Variants in HEMK2 observed in about 807,000 individuals in gnomAD.
HEMK2 encodes the protein HemK methyltransferase 2, ETF1 glutamine and histone H4 lysine.
the HEMK2 span, among the ~76,000 whole-genome samples, chr21:28,722,815 C>T: frequency 1.3e-5 from 2 of 152,130 alleles, no homozygotes; most frequent in African/African-American, 2.4e-5. Context: ...ACCCAGAAGG[C>T]GGAGGTTGTG....
chr21:28,850,121 C>A, the HEMK2 span, among the ~76,000 whole-genome samples: 5 of 151,372 alleles, frequency 3.3e-5, no homozygotes, highest in African/African-American at 1.2e-4. Flanking sequence ...AGAGAAGGGG[C>A]AGGTCACCTA....
the HEMK2 span, among the ~76,000 whole-genome samples, chr21:28,742,519 C>T: frequency 0.23 from 34,775 of 151,988 alleles, 4,622 homozygotes; most frequent in African/African-American, 0.35. Flanking sequence ...AATAATGATG[C>T]ACTTATCCAA....
At chr21:28,773,480 G>T in the HEMK2 span, among the ~76,000 whole-genome samples, 1 of 152,104 alleles carries the variant, frequency 6.6e-6, no homozygotes, top group Non-Finnish European at 1.5e-5. Flanking sequence ...ATTAATAGAA[G>T]ATTCTCTCTT....
the HEMK2 span, among the ~76,000 whole-genome samples, chr21:28,807,517 C>A: frequency 5.0e-4 from 76 of 152,302 alleles, no homozygotes; most frequent in African/African-American, 1.8e-3. Context: ...CTCAGTTCAT[C>A]CTACAAAGAA....
chr21:28,868,840 T>C, the HEMK2 span, among the ~76,000 whole-genome samples: 446 of 152,344 alleles, frequency 2.9e-3, 1 homozygote, highest in African/African-American at 0.01. Flanking sequence ...TTTCTGAATA[T>C]TGTTATTACA....
At chr21:28,883,266 T>G in the HEMK2 span, among the ~76,000 whole-genome samples, 1 of 152,180 alleles carries the variant, frequency 6.6e-6, no homozygotes, top group Non-Finnish European at 1.5e-5. Flanking sequence ...TTACTAATAT[T>G]TTGGGTACGT....
At chr21:28,681,604 G>A in the HEMK2 span, among the ~76,000 whole-genome samples, 6 of 152,136 alleles carry the variant, frequency 3.9e-5, no homozygotes, top group African/African-American at 1.2e-4. Flanking sequence ...TCAATCCTAA[G>A]CCAAAAGAAC....
chr21:28,845,151 G>A, the HEMK2 span, among the ~76,000 whole-genome samples: 10 of 151,912 alleles, frequency 6.6e-5, no homozygotes, highest in Non-Finnish European at 1.2e-4. Flanking sequence ...AGAATAAAAT[G>A]GTGATCCTCT....
the HEMK2 span, among the ~76,000 whole-genome samples, chr21:28,690,726 G>A: frequency 2.6e-5 from 4 of 151,906 alleles, no homozygotes; most frequent in Admixed American, 2.0e-4. Flanking sequence ...TTCTTGCATT[G>A]TATAGTCTTA....
chr21:28,780,054 A>G, the HEMK2 span, among the ~76,000 whole-genome samples: 15,596 of 152,248 alleles, frequency 0.1, 1,260 homozygotes, highest in East Asian at 0.22. Flanking sequence ...GAAGAGTCTC[A>G]TTGACCAACA....
At chr21:28,612,558 A>G in the HEMK2 span, among the ~76,000 whole-genome samples, 1 of 152,192 alleles carries the variant, frequency 6.6e-6, no homozygotes, top group Non-Finnish European at 1.5e-5. Flanking sequence ...CTTCTATTCA[A>G]CACAGCACCA....
the HEMK2 span, among the ~76,000 whole-genome samples, chr21:28,852,436 C>A: frequency 1.3e-5 from 2 of 152,212 alleles, no homozygotes; most frequent in Non-Finnish European, 2.9e-5. Context: ...CCTACTTTAA[C>A]TGGAGAACGA....
At chr21:28,883,084 T>G in the HEMK2 span, 1 of 1,548,268 alleles carries the variant, frequency 6.5e-7, no homozygotes. Flanking sequence ...GAAAAAAAAA[T>G]AAATAAATAT....
At chr21:28,864,689 T>A in the HEMK2 span, among the ~76,000 whole-genome samples, 1 of 152,178 alleles carries the variant, frequency 6.6e-6, no homozygotes. Context: ...TATTCCATTT[T>A]ACTCTCCCTC....
the HEMK2 span, among the ~76,000 whole-genome samples, chr21:28,745,679 T>G: frequency 1.3e-5 from 2 of 152,064 alleles, no homozygotes; most frequent in African/African-American, 4.8e-5. Flanking sequence ...GAATAATAGC[T>G]GGCTGCCACT....
the HEMK2 span, among the ~76,000 whole-genome samples, chr21:28,855,074 A>G: frequency 2.6e-5 from 4 of 152,232 alleles, no homozygotes; most frequent in African/African-American, 9.6e-5. Flanking sequence ...AAGTGGCAAG[A>G]TGAATAAAGA....
chr21:28,712,897 C>T, the HEMK2 span, among the ~76,000 whole-genome samples: 1 of 152,140 alleles, frequency 6.6e-6, no homozygotes, highest in Admixed American at 6.5e-5. Flanking sequence ...CCAATCATGG[C>T]AAACCTACTA....
the HEMK2 span, among the ~76,000 whole-genome samples, chr21:28,824,668 G>T: frequency 6.6e-6 from 1 of 152,160 alleles, no homozygotes; most frequent in African/African-American, 2.4e-5. Flanking sequence ...GAGAGAGATA[G>T]AGAGTCTTTG....
At chr21:28,879,896 G>T in the HEMK2 span, 1 of 1,598,860 alleles carries the variant, frequency 6.3e-7, no homozygotes, top group Non-Finnish European at 8.5e-7. Context: ...ACTACATAGG[G>T]GGGATTAAAC....
Sources: gnomAD v4.1 joint callset for allele counts (sites outside exome capture counted in the v4.1 genomes callset) on GRCh38, gnomAD v4.1.1 for gene constraint, MANE v1.5 for transcripts, NCBI Gene and HGNC (gene_info 2026-07-23, HGNC 2026-07-21) for gene names.